GLRX2: variants seen among roughly 807,000 people sequenced by gnomAD.
GLRX2 encodes the protein bA101E13.1 (GRX2 glutaredoxin (thioltransferase) 2).
A neutral mutation model predicts 16.4 loss-of-function variants in GLRX2; 12 were observed. That is an observed-to-expected ratio of 0.73 (90% confidence interval 0.47 to 1.19). The LOEUF (loss-of-function observed/expected upper bound fraction) is 1.19, where lower values mean the gene tolerates loss of function less well. GLRX2 is among the 50% of genes most tolerant of loss of function. The pLI, the probability that GLRX2 is intolerant of heterozygous loss-of-function variation, is 0.00. For synonymous variants in GLRX2, 95 were observed against 76.2 expected, an observed-to-expected ratio of 1.25 and a Z score of -1.28; for missense variants, 201 against 201.8, an observed-to-expected ratio of 1.00 and a Z score of 0.02.
chr1:193,096,534 T>C lies in GLRX2; in HGVS notation c.*91A>G. ...CTTCTTCGTGAAGACAATGCATGTA[T>C]TTAAAACATCCTCAAACATTTAAAA... On this transcript the variant is annotated 3_prime_UTR_variant, in exon 4 of 4. Transcript: ENST00000367439. 1.5e-6 allele frequency: 1 copy of C among 681,614 alleles called. No homozygotes were observed. Among genetic ancestry groups the C allele is most frequent in the South Asian group, 2.7e-5 (1 of 37,678 alleles). The allele number at this position is 681,614 out of a possible 1,614,324, so 42.2% of individuals were successfully genotyped here.
intron 1 of GLRX2, 84 bp downstream of exon 1, chr1:193,105,179 AG>A: frequency 6.9e-7 from 1 of 1,438,952 alleles, no homozygotes; most frequent in South Asian, 1.5e-5. Context: ...GCCGGGGCAA[AG>A]GGGCACCTCC....
At chr1:193,105,831 G>T (rs1675189808), upstream of GLRX2, 1 of 1,311,508 alleles carries the variant, frequency 7.6e-7, no homozygotes. Flanking sequence ...TTGTGTGGAT[G>T]AAATAAGAGC....
chr1:193,105,496 G>T, upstream of GLRX2: 1 of 1,509,012 alleles, frequency 6.6e-7, no homozygotes, highest in Middle Eastern at 2.1e-4. Context: ...CCTCCGGACT[G>T]CCCGCGCCGC....
intron 1 of GLRX2, among the ~76,000 whole-genome samples, chr1:193,103,624 C>T (rs1207502057): frequency 6.6e-6 from 1 of 151,900 alleles, no homozygotes; most frequent in Non-Finnish European, 1.5e-5. Flanking sequence ...GTGTCCACCA[C>T]GGATAAGGGG....
chr1:193,103,088 A>G (rs1487754533), intron 1 of GLRX2, among the ~76,000 whole-genome samples: 3 of 152,122 alleles, frequency 2.0e-5, no homozygotes, highest in African/African-American at 7.2e-5. Context: ...AAACCACTAG[A>G]GTAGTGATGC....
chr1:193,102,412 C>T (rs1171117724), intron 1 of GLRX2, among the ~76,000 whole-genome samples: 3 of 152,076 alleles, frequency 2.0e-5, no homozygotes, highest in African/African-American at 2.4e-5. Context: ...AGTGCAGTGG[C>T]GTGATCTTGG....
rs1674964955 is a variant in GLRX2, at chr1:193,096,649, T to C, written c.471A>G (p.Lys157=). The change falls in exon 4 of 4, where the codon AAA becomes AAG. Residue 157 remains lysine (K), a synonymous_variant. Coordinates refer to ENST00000367439, the MANE Select transcript of GLRX2 (RefSeq NM_197962.3). ...ATCACTGAAATTCTTTCCTCTTACTTTTTTTTAAATAACACTGATGAACTA... is the reference window on the plus strand; with the variant it reads ...ATCACTGAAATTCTTTCCTCTTACTCTTTTTTAAATAACACTGATGAACTA... ...LPLVHQCYLK[K]SKRKEFQ 1 of 1,593,216 alleles carries C rather than the reference T, an allele frequency of 6.3e-7. No homozygotes were observed. Among genetic ancestry groups the C allele is most frequent in the Non-Finnish European group, 8.6e-7 (1 of 1,162,788 alleles).
Position 193,097,741 on chromosome 1 carries a change from C to T in GLRX2, c.203G>A (p.Cys68Tyr). Reference protein sequence around the residue: ...NQIQETISDNCVVIFSKTSCS... With the variant: ...NQIQETISDNYVVIFSKTSCS... ...GGATGTTTTTGAGAAAATCACCACA[C>T]AATTATCAGAAATTGTTTCCTGAAA... Residue 68 changes from cysteine (C) to tyrosine (Y), a missense_variant, in exon 3 of 4, where the codon TGT becomes TAT. Physicochemically the swap from Cys to Tyr is radical, Grantham distance 194 (BLOSUM62 -2). Transcript: ENST00000367439. The T allele has an allele frequency of 1.3e-6, 2 of 1,585,098 alleles. No individual in the cohort carries two copies. The highest frequency in any genetic ancestry group is 1.7e-6 in the Non-Finnish European group (2 of 1,169,992).
Position 193,097,759 on chromosome 1 carries a change from T to A in GLRX2, c.185A>T (p.Glu62Val), listed in dbSNP as rs1400076241. Residue 62 changes from glutamate to valine, a missense_variant and splice_region_variant, in exon 3 of 4, where the codon GAA (glutamate) becomes GTA (valine). Coordinates refer to ENST00000367439, the MANE Select transcript of GLRX2 (RefSeq NM_197962.3). Reference protein sequence around the residue: ...LATAPVNQIQETISDNCVVIF... With the variant: ...LATAPVNQIQVTISDNCVVIF... Reference sequence around the variant, plus strand: ...CACCACACAATTATCAGAAATTGTTTCCTGAAATAAAACCACAAAAAATCA... The same window carrying A: ...CACCACACAATTATCAGAAATTGTTACCTGAAATAAAACCACAAAAAATCA... 1 of 1,575,080 alleles carries A rather than the reference T, an allele frequency of 6.3e-7. No individual in the cohort carries two copies. Among genetic ancestry groups the A allele is most frequent in the Non-Finnish European group, 8.6e-7 (1 of 1,163,860 alleles).
At position 193,100,581 on chromosome 1, in the gene GLRX2, T is replaced by C. The variant is rs972280350; in HGVS notation, c.183+560A>G. On this transcript the variant is annotated intron_variant, in intron 2 of 3. Transcript: ENST00000367439. ...AGGCAGACATTTTTTTTGTTTGTGG[T>C]AGTAGTGAGTGGTAAGCAAGAGAGA... is the stretch of plus-strand genomic sequence containing the variant. Among the ~76,000 whole-genome samples, 9 of 152,268 alleles carry C rather than the reference T, an allele frequency of 5.9e-5. No individual in the cohort carries two copies. In the East Asian group the frequency reaches 1.7e-3, roughly 29 times the overall value.
At chr1:193,105,684 A>G (rs1675187239), upstream of GLRX2, 1 of 1,553,510 alleles carries the variant, frequency 6.4e-7, no homozygotes. Context: ...ACGCTCATAA[A>G]GGCTCCCAGG....
intron 1 of GLRX2, among the ~76,000 whole-genome samples, chr1:193,104,953 T>C (rs1474197861): frequency 6.6e-6 from 1 of 152,268 alleles, no homozygotes; most frequent in Non-Finnish European, 1.5e-5. Context: ...ATTCGCTCTT[T>C]CAGAGAAATT....
chr1:193,105,241 A>G (rs10801175), intron 1 of GLRX2, 23 bp downstream of exon 1: 1,114,736 of 1,525,510 alleles, frequency 0.73, 409,837 homozygotes, highest in South Asian at 0.81. Context: ...ACGCCGCGGC[A>G]CTCCTGCCCG....
intron 3 of GLRX2, 148 bp downstream of exon 3, chr1:193,097,436 A>G: frequency 1.9e-6 from 1 of 529,088 alleles, no homozygotes; most frequent in Non-Finnish European, 3.2e-6. Flanking sequence ...GCTGTTTCCT[A>G]TTCTAAGAAT....
chr1:193,104,407 CGGCG>C, intron 1 of GLRX2, among the ~76,000 whole-genome samples: 1 of 152,148 alleles, frequency 6.6e-6, no homozygotes, highest in Non-Finnish European at 1.5e-5. Context: ...GAAAAAAACA[CGGCG>C]GGGCCTCAAA....
In GLRX2 at chr1:193,102,773, C is replaced by T. The variant is rs12724659; in HGVS notation, c.120-1569G>A. Among the ~76,000 whole-genome samples the T allele has an allele frequency of 9.8e-3, 1,493 of 152,250 alleles. 14 individuals carry two copies. The highest frequency in any genetic ancestry group is 0.016 in the Non-Finnish European group (1,080 of 68,010). On this transcript the variant is annotated intron_variant, in intron 1 of 3. Coordinates refer to ENST00000367439, the MANE Select transcript of GLRX2 (RefSeq NM_197962.3). ...CCCCTTTATCCACGGTTTCAGTTAT[C>T]CAAGGTCAGCTGTGGTCCAAAAACA...
Position 193,097,737 on chromosome 1 carries a change from C to T in GLRX2, c.207G>A (p.Val69=). The change falls in exon 3 of 4, where the codon GTG becomes GTA. Residue 69 remains valine, a synonymous_variant. Coordinates refer to ENST00000367439, the MANE Select transcript of GLRX2 (RefSeq NM_197962.3). ...QIQETISDNC[V]VIFSKTSCSY... ...AACAGGATGTTTTTGAGAAAATCAC[C>T]ACACAATTATCAGAAATTGTTTCCT... 2.5e-6 allele frequency: 4 copies of T among 1,589,194 alleles called. No homozygotes were observed. The highest frequency in any genetic ancestry group is 1.9e-5 in the Admixed American group (1 of 53,748).
intron 2 of GLRX2, among the ~76,000 whole-genome samples, chr1:193,100,699 G>A (rs1042971806): frequency 6.6e-6 from 1 of 152,192 alleles, no homozygotes; most frequent in African/African-American, 2.4e-5. Flanking sequence ...CTCAGTAAAA[G>A]AAAGAGGAAA....
At chr1:193,098,880 C>T (rs1374680625) in intron 2 of GLRX2, among the ~76,000 whole-genome samples, 1 of 152,150 alleles carries the variant, frequency 6.6e-6, no homozygotes, top group Non-Finnish European at 1.5e-5. Flanking sequence ...TTCAAATATT[C>T]AGTAGGTATT....
Sources: allele counts gnomAD v4.1 joint callset (sites outside exome capture counted in the v4.1 genomes callset), GRCh38; gene constraint gnomAD v4.1.1; transcripts MANE v1.5; gene names NCBI Gene and HGNC (gene_info 2026-07-23, HGNC 2026-07-21).